Variants in ATCAY observed in about 807,000 individuals in gnomAD.
ATCAY encodes caytaxin.
A neutral mutation model predicts 47.7 loss-of-function variants in ATCAY; 22 were observed. That is an observed-to-expected ratio of 0.46 (90% CI 0.33 to 0.66). The LOEUF is 0.66. ATCAY is among the 30% of genes least tolerant of loss of function. The pLI is 0.02. For synonymous variants in ATCAY, 216 were observed against 207.6 expected, an observed-to-expected ratio of 1.04 and a Z score of -0.35; for missense variants, 452 against 515.0, an observed-to-expected ratio of 0.88 and a Z score of 1.18.
At chr19:3,890,247 ATTTTTTTTTTTTTTTTT>A (rs764697276) in intron 2 of ATCAY, among the ~76,000 whole-genome samples, 4 of 38,552 alleles carry the variant, frequency 1.0e-4, no homozygotes, top group East Asian at 8.1e-4. Flanking sequence ...TCCACCTATA[ATTTTTTTTTTTTTTTTT>A]TTTTTTTTTT....
At chr19:3,921,832 G>C (rs925587427) in intron 12 of ATCAY, among the ~76,000 whole-genome samples, 8 of 151,998 alleles carry the variant, frequency 5.3e-5, no homozygotes, top group African/African-American at 1.7e-4. Context: ...GGGAGGCGGA[G>C]GTTGCAGTGA....
chr19:3,910,334 T>C (rs1490718142), intron 7 of ATCAY, among the ~76,000 whole-genome samples: 1 of 152,202 alleles, frequency 6.6e-6, no homozygotes, highest in Non-Finnish European at 1.5e-5. Context: ...ATACCACATT[T>C]GGTTTGTCCA....
At position 3,924,773 on chromosome 19, in the gene ATCAY, A is replaced by T; in HGVS notation, c.*181A>T. On this transcript the variant is annotated 3_prime_UTR_variant, in exon 13 of 13. Coordinates refer to ENST00000450849, the MANE Select transcript of ATCAY (RefSeq NM_033064.5). ...CTTTTCAGCTGCTTGAAAACATTGT[A>T]TTTTTTTTTTTTAACGATGCAGTAT... The T allele has an allele frequency of 8.0e-6, 4 of 497,418 alleles. No homozygotes were observed. The highest frequency in any genetic ancestry group is 6.9e-6 in the Non-Finnish European group (2 of 290,438). 30.8% of individuals were successfully genotyped at this position (497,418 alleles called of 1,614,324 possible).
At chr19:3,913,153 G>C (rs2038937064) in intron 8 of ATCAY, among the ~76,000 whole-genome samples, 1 of 152,016 alleles carries the variant, frequency 6.6e-6, no homozygotes, top group African/African-American at 2.4e-5. Flanking sequence ...CGAGAGTGGT[G>C]GTGCATGCCT....
intron 2 of ATCAY, 68 bp downstream of exon 2, chr19:3,885,912 G>A (rs1160893793): frequency 3.3e-6 from 5 of 1,499,266 alleles, no homozygotes; most frequent in Non-Finnish European, 4.5e-6. Flanking sequence ...GGACACAGGA[G>A]CGGCCCGGGT....
chr19:3,887,648 G>A (rs1409317540), intron 2 of ATCAY, among the ~76,000 whole-genome samples: 14 of 150,270 alleles, frequency 9.3e-5, no homozygotes, highest in African/African-American at 1.7e-4. Context: ...CACCACGCCC[G>A]GCTAATTTTT....
At position 3,907,945 on chromosome 19, in the gene ATCAY, T is replaced by C. The variant is rs759618480; in HGVS notation, c.544+26T>C. 15 of 1,605,028 alleles carry C rather than the reference T, an allele frequency of 9.3e-6. No homozygotes were observed. The highest frequency in any genetic ancestry group is 1.1e-5 in the Non-Finnish European group (13 of 1,175,798). ...GTGAGACCCGCCCCCCGGTGCCCCC[T>C]TGGGGCTCCAGCCCGGCCCACTGGG... On this transcript the variant is annotated intron_variant, in intron 5 of 12. Transcript: ENST00000450849. The surrounding 1 kb of genome is among the most constrained non-coding windows in gnomAD (Gnocchi z 5.1).
chr19:3,902,363 T>A (rs1289610412), intron 2 of ATCAY, 124 bp from the exon 3 acceptor site: 6 of 844,978 alleles, frequency 7.1e-6, no homozygotes, highest in Non-Finnish European at 1.2e-5. Flanking sequence ...TCTCCAGAAC[T>A]AAATGTGTTT....
chr19:3,881,870 C>G lies in ATCAY; in HGVS notation c.-42+862C>G, dbSNP rs867585582. 3.5e-4 allele frequency among the ~76,000 whole-genome samples: 48 copies of G among 135,660 alleles called. 2 individuals are homozygous for G. Among genetic ancestry groups the G allele is most frequent in the South Asian group, 9.2e-4 (4 of 4,336 alleles). 89.0% of individuals were successfully genotyped at this position (135,660 alleles called of 152,430 possible). ...GCCTGGCTGGCTGCTGCCACCGCCC[C>G]CCCCCCGACCCCATAGCATCCAGGA... On this transcript the variant is annotated intron_variant, in intron 1 of 12. Transcript: ENST00000450849.
At chr19:3,911,904 C>T (rs2038925401) in intron 8 of ATCAY, among the ~76,000 whole-genome samples, 1 of 152,130 alleles carries the variant, frequency 6.6e-6, no homozygotes, top group Non-Finnish European at 1.5e-5. Context: ...TCAAGGACTG[C>T]TAAGTACCCT....
rs796133913 is a variant in ATCAY at position 3,924,773 on chromosome 19, AT to A, written c.*193del. 283,305 of 491,536 alleles carry A rather than the reference AT, an allele frequency of 0.58. 59,427 individuals carry two copies. Among genetic ancestry groups the A allele is most frequent in the African/African-American group, 0.85 (41,176 of 48,716 alleles). The allele number at this position is 491,536 out of a possible 1,614,324, so 30.4% of individuals were successfully genotyped here. ...CTTTTCAGCTGCTTGAAAACATTGT[AT>A]TTTTTTTTTTTAACGATGCAGTATT... On this transcript the variant is annotated 3_prime_UTR_variant, in exon 13 of 13. Transcript: ENST00000450849.
intron 8 of ATCAY, among the ~76,000 whole-genome samples, chr19:3,913,449 C>T (rs924532529): frequency 2.4e-4 from 36 of 152,142 alleles, no homozygotes; most frequent in Non-Finnish European, 7.3e-5. Context: ...GGAAAACAGC[C>T]TGTAGAGTCT....
intron 9 of ATCAY, 99 bp from the exon 10 acceptor site, chr19:3,917,643 G>T: frequency 3.9e-5 from 25 of 635,866 alleles, no homozygotes; most frequent in East Asian, 7.8e-5. Flanking sequence ...AAAGAAAAAA[G>T]AGAGCTTGTT....
rs116660680 is a variant in ATCAY, at chr19:3,910,895, A to G, written c.866+6A>G. On this transcript the variant is annotated splice_donor_region_variant and intron_variant, in intron 8 of 12. Coordinates refer to ENST00000450849, the MANE Select transcript of ATCAY (RefSeq NM_033064.5). ...ATCTCTCGCCCTTTCATCAGGTGAGACGGGGAGGCTGCAACCCAAGTCCAG... is the reference window on the plus strand; with the variant it reads ...ATCTCTCGCCCTTTCATCAGGTGAGGCGGGGAGGCTGCAACCCAAGTCCAG... The G allele has an allele frequency of 1.8e-3, 2,948 of 1,613,834 alleles. 55 individuals are homozygous for G. The African/African-American group carries it at 0.034, about 19-fold the overall frequency.
intron 1 of ATCAY, among the ~76,000 whole-genome samples, 161 bp downstream of exon 1, chr19:3,881,169 C>T (rs2038595233): frequency 6.6e-6 from 1 of 152,066 alleles, no homozygotes; most frequent in African/African-American, 2.4e-5. Context: ...TCCCTGTTCC[C>T]GGTACCAGGG....
chr19:3,919,331 C>T (rs766253944), intron 11 of ATCAY, among the ~76,000 whole-genome samples: 1 of 151,614 alleles, frequency 6.6e-6, no homozygotes, highest in Non-Finnish European at 1.5e-5. Flanking sequence ...TGGTGGCTCA[C>T]GCCTGTAATC....
intron 1 of ATCAY, among the ~76,000 whole-genome samples, chr19:3,882,080 A>T (rs1348821398): frequency 1.3e-5 from 2 of 152,014 alleles, no homozygotes; most frequent in East Asian, 3.9e-4. Flanking sequence ...TTGCTAAGCC[A>T]CAGTCCCCTG....
chr19:3,900,623 G>A (rs1365290556), intron 2 of ATCAY, among the ~76,000 whole-genome samples: 2 of 152,026 alleles, frequency 1.3e-5, no homozygotes, highest in Admixed American at 6.6e-5. Context: ...TGCAACCTCC[G>A]CCTCCCGGGT....
intron 6 of ATCAY, 25 bp downstream of exon 6, chr19:3,908,395 G>A: frequency 6.4e-7 from 1 of 1,552,944 alleles, no homozygotes; most frequent in Non-Finnish European, 8.7e-7. Flanking sequence ...GCGGCGAGCA[G>A]CCTCGGGCCA....
Sources: gnomAD v4.1 joint callset for allele counts (sites outside exome capture counted in the v4.1 genomes callset) on GRCh38, gnomAD v4.1.1 for gene constraint, Gnocchi (gnomAD v3.1) non-coding constraint, MANE v1.5 for transcripts, NCBI Gene and HGNC (gene_info 2026-07-23, HGNC 2026-07-21) for gene names.